UBA6: variants seen among roughly 807,000 people sequenced by gnomAD.
UBA6 encodes the protein ubiquitin-like modifier-activating enzyme 6.
UBA6 carries 87 observed loss-of-function variants against 148.3 expected under a neutral mutation model. The observed-to-expected ratio is 0.59, with a 90% CI of 0.49 to 0.70. UBA6 has a LOEUF of 0.70. Among genes scored for constraint, UBA6 ranks in the 30% least tolerant of loss-of-function variants. UBA6 has a pLI of 0.00. For synonymous variants in UBA6, 376 were observed against 401.0 expected, an observed-to-expected ratio of 0.94 and a Z score of 0.75; for missense variants, 1,186 against 1,241.2, an observed-to-expected ratio of 0.96 and a Z score of 0.67.
intron 2 of UBA6, among the ~76,000 whole-genome samples, chr4:67,685,806 C>T (rs1476967107): frequency 2.6e-5 from 4 of 152,104 alleles, no homozygotes; most frequent in African/African-American, 9.7e-5. Context: ...TGCCCTTCTG[C>T]CTTCCACCAT....
chr4:67,627,951 T>TC, intron 27 of UBA6, among the ~76,000 whole-genome samples: 1 of 151,280 alleles, frequency 6.6e-6, no homozygotes, highest in African/African-American at 2.4e-5. Flanking sequence ...TTTTTTTTTT[T>TC]TTCAATGTAT....
intron 28 of UBA6, among the ~76,000 whole-genome samples, chr4:67,625,692 TG>T (rs1728851273): frequency 6.6e-6 from 1 of 151,988 alleles, no homozygotes; most frequent in African/African-American, 2.4e-5. Context: ...ATTGTTATTC[TG>T]GGTTATTTTT....
chr4:67,666,106 T>G (rs965683165), intron 9 of UBA6, among the ~76,000 whole-genome samples: 6 of 152,170 alleles, frequency 3.9e-5, no homozygotes, highest in African/African-American at 1.4e-4. Context: ...CAGGATCACT[T>G]GAACCCAGGA....
chr4:67,640,474 T>G (rs1001446596), intron 18 of UBA6, among the ~76,000 whole-genome samples: 1 of 152,184 alleles, frequency 6.6e-6, no homozygotes, highest in African/African-American at 2.4e-5. Context: ...TGTTTTAATT[T>G]TTTTAAAACT....
intron 5 of UBA6, 21 bp downstream of exon 5, chr4:67,678,418 A>C: frequency 6.9e-7 from 1 of 1,454,746 alleles, no homozygotes; most frequent in Non-Finnish European, 9.4e-7. Flanking sequence ...AACTCATGAT[A>C]ATACATCAAA....
At chr4:67,635,697 A>C in intron 19 of UBA6, 139 bp from the exon 20 acceptor site, 1 of 511,312 alleles carries the variant, frequency 2.0e-6, no homozygotes, top group Non-Finnish European at 3.5e-6. Flanking sequence ...CAGATATACT[A>C]CTATCAAACA....
At chr4:67,672,835 T>C (rs1730183100) in intron 7 of UBA6, among the ~76,000 whole-genome samples, 1 of 152,120 alleles carries the variant, frequency 6.6e-6, no homozygotes, top group Non-Finnish European at 1.5e-5. Flanking sequence ...TCAAACATCA[T>C]CTCCTTAGTG....
At chr4:67,670,296 T>C (rs1730112919) in intron 8 of UBA6, among the ~76,000 whole-genome samples, 174 bp downstream of exon 8, 1 of 152,222 alleles carries the variant, frequency 6.6e-6, no homozygotes, top group Admixed American at 6.5e-5. Context: ...ACAATAATGT[T>C]CCAGTTTTAA....
intron 10 of UBA6, among the ~76,000 whole-genome samples, chr4:67,664,863 TAGAA>T (rs33975378): frequency 0.011 from 1,735 of 152,234 alleles, 37 homozygotes; most frequent in African/African-American, 0.04. Context: ...TTTCTTGTCT[TAGAA>T]AGTAAATTGT....
At chr4:67,696,474 C>T (rs1577846284) in intron 2 of UBA6, among the ~76,000 whole-genome samples, 171 bp downstream of exon 2, 1 of 150,450 alleles carries the variant, frequency 6.6e-6, no homozygotes, top group African/African-American at 2.5e-5. Context: ...TACATATATA[C>T]ACATATATAC....
chr4:67,619,626 A>T (rs1728707709), intron 32 of UBA6, among the ~76,000 whole-genome samples: 1 of 152,238 alleles, frequency 6.6e-6, no homozygotes, highest in Admixed American at 6.5e-5. Flanking sequence ...CAACGATTTT[A>T]AAAAATTGAT....
At chr4:67,652,528 T>C (rs1729576446) in intron 13 of UBA6, among the ~76,000 whole-genome samples, 2 of 152,090 alleles carry the variant, frequency 1.3e-5, no homozygotes, top group African/African-American at 4.8e-5. Context: ...AGTTTGGCAG[T>C]TTCTTATAAA....
chr4:67,627,645 T>C (rs1181487276), intron 27 of UBA6, among the ~76,000 whole-genome samples: 3 of 151,896 alleles, frequency 2.0e-5, no homozygotes, highest in Admixed American at 6.6e-5. Context: ...ATAAACATTG[T>C]GTTCTGCAAA....
intron 13 of UBA6, chr4:67,661,758 T>C (rs1003919470): frequency 5.5e-6 from 1 of 182,282 alleles, no homozygotes; most frequent in African/African-American, 2.3e-5. Flanking sequence ...ATTTTCTAGG[T>C]GAAATGTTTA....
intron 32 of UBA6, among the ~76,000 whole-genome samples, chr4:67,621,967 T>C (rs972081952): frequency 5.3e-5 from 8 of 152,068 alleles, no homozygotes; most frequent in African/African-American, 1.9e-4. Context: ...GAGGCCTCTT[T>C]AGGAAGTGCA....
chr4:67,653,519 G>A (rs1414864732), intron 13 of UBA6, among the ~76,000 whole-genome samples: 4 of 152,246 alleles, frequency 2.6e-5, no homozygotes, highest in Middle Eastern at 3.4e-3. Context: ...ACACCAAAAC[G>A]CCATCTGTAG....
rs1486515054 is a variant in UBA6 at position 67,670,518 on chromosome 4, A to T, written c.621T>A (p.Asp207Glu). The change falls in exon 8 of 33, where the codon GAT becomes GAA. Residue 207 changes from aspartate to glutamate, a missense_variant. Asp to Glu is a conservative substitution (Grantham distance 45). Transcript: ENST00000322244. ...CDFGDEFEVL[D>E]TTGEEPKEIF... ...TTTCTTTTGGTTCTTCTCCTGTTGT[A>T]TCTAAAACTTCAAATTCATCACCGA... 6.2e-7 allele frequency: 1 copy of T among 1,600,210 alleles called. No individual in the cohort carries two copies. Among genetic ancestry groups the T allele is most frequent in the Non-Finnish European group, 8.6e-7 (1 of 1,167,484 alleles).
intron 18 of UBA6, among the ~76,000 whole-genome samples, chr4:67,640,357 G>A (rs1729273143): frequency 6.6e-6 from 1 of 152,198 alleles, no homozygotes; most frequent in Non-Finnish European, 1.5e-5. Flanking sequence ...AAGGCAATTA[G>A]ATTAACTATG....
chr4:67,637,169 C>T (rs1310176800), intron 19 of UBA6, among the ~76,000 whole-genome samples: 8 of 148,614 alleles, frequency 5.4e-5, no homozygotes, highest in African/African-American at 7.5e-5. Context: ...CCGCCCCGTC[C>T]GGGAGGTGGG....
Sources: gnomAD v4.1 joint callset for allele counts (sites outside exome capture counted in the v4.1 genomes callset) on GRCh38, gnomAD v4.1.1 for gene constraint, MANE v1.5 for transcripts, NCBI Gene and HGNC (gene_info 2026-07-23, HGNC 2026-07-21) for gene names.